The following ZNF462 variants were observed in gnomAD, a reference collection of about 807,000 sequenced individuals.
ZNF462 encodes the protein zinc finger protein 462.
In ZNF462, 10 loss-of-function variants were observed where a neutral mutation model predicts 201.9. That is an observed-to-expected ratio of 0.05 (90% CI 0.03 to 0.08). The LOEUF is 0.08. Among genes scored for constraint, ZNF462 ranks in the 10% least tolerant of loss-of-function variants. The pLI, the probability that ZNF462 is intolerant of heterozygous loss-of-function variation, is 1.00. For missense variants in ZNF462, 2,523 were observed against 3,168.3 expected, an observed-to-expected ratio of 0.80 and a Z score of 4.89; for synonymous variants, 1,227 against 1,193.3, an observed-to-expected ratio of 1.03 and a Z score of -0.58.
chr9:106,980,736 A>G (rs1338712542), intron 9 of ZNF462, among the ~76,000 whole-genome samples: 1 of 152,228 alleles, frequency 6.6e-6, no homozygotes, highest in Non-Finnish European at 1.5e-5. Flanking sequence ...TCCATCTTGT[A>G]GTTGAACTGG....
Position 106,981,587 on chromosome 9 carries a change from C to T in ZNF462, c.6833-2599C>T, listed in dbSNP as rs893773794. Among the ~76,000 whole-genome samples the T allele has an allele frequency of 6.6e-6, 1 of 152,140 alleles. No individual in the cohort carries two copies. Among genetic ancestry groups the T allele is most frequent in the African/African-American group, 2.4e-5 (1 of 41,418 alleles). On this transcript the variant is annotated intron_variant, in intron 9 of 12. Transcript: ENST00000277225. This position sits in a 1 kb window ranked among gnomAD's most constrained non-coding sequence, Gnocchi z 4.0. Reference sequence around the variant, plus strand: ...CTAACGGTGCTTGAACCGTAGCGAGCACTTAATAGTCTGCAGTGGTGTTCA... The same window carrying T: ...CTAACGGTGCTTGAACCGTAGCGAGTACTTAATAGTCTGCAGTGGTGTTCA...
rs1182593510 is a variant in ZNF462 at position 107,008,916 on chromosome 9, ACTGGTTCCCACTCATC to A, written c.7190-627_7190-612del. On this transcript the variant is annotated intron_variant, in intron 11 of 12. Transcript: ENST00000277225. This position sits in a 1 kb window ranked among gnomAD's most constrained non-coding sequence, Gnocchi z 4.8. ...AATAGCAGGGGACATGTGTTCACAT[ACTGGTTCCCACTCATC>A]CAGATAAATGTTCATGGTAGATTCT... is the stretch of plus-strand genomic sequence containing the variant. Among the ~76,000 whole-genome samples the A allele has an allele frequency of 2.0e-5, 3 of 152,194 alleles. No homozygotes were observed. The highest frequency in any genetic ancestry group is 4.4e-5 in the Non-Finnish European group (3 of 68,030).
rs1202025192 is a variant in ZNF462, at chr9:106,890,398, T to C, written c.-31+27043T>C. On this transcript the variant is annotated intron_variant, in intron 1 of 12. Transcript: ENST00000277225. The surrounding 1 kb of genome is among the most constrained non-coding windows in gnomAD (Gnocchi z 4.2). ...GTTAATTAAACATTGTCGGGAGAAT[T>C]CCTTCATTTCCTTCTGGAGTCCTTT... Among the ~76,000 whole-genome samples, 2 of 152,210 alleles carry C rather than the reference T, an allele frequency of 1.3e-5. No individual in the cohort carries two copies.
At position 106,933,777 on chromosome 9, in the gene ZNF462, A is replaced by G. The variant is rs897331899; in HGVS notation, c.6116+1228A>G. On this transcript the variant is annotated intron_variant, in intron 5 of 12. Coordinates refer to ENST00000277225, the MANE Select transcript of ZNF462 (RefSeq NM_021224.6). The surrounding 1 kb of genome is among the most constrained non-coding windows in gnomAD (Gnocchi z 4.3). ...GTCAGGAAGGTTTTATGGCATAAGG[A>G]GCATTTGGGTGAAGTCTTAAAGTAG... Among the ~76,000 whole-genome samples the G allele has an allele frequency of 2.0e-5, 3 of 152,274 alleles. No homozygotes were observed. The highest frequency in any genetic ancestry group is 3.9e-4 in the East Asian group (2 of 5,176).
Position 106,929,194 on chromosome 9 carries a change from G to A in ZNF462, c.5282G>A (p.Arg1761Gln), listed in dbSNP as rs757318585. 11 of 1,614,010 alleles carry A rather than the reference G, an allele frequency of 6.8e-6. No homozygotes were observed. Among genetic ancestry groups the A allele is most frequent in the African/African-American group, 4.0e-5 (3 of 74,908 alleles). Reference sequence around the variant, plus strand: ...TCCCCTCAGCTGAGCGAGGAACTCCGGCGGGCAGTGGAGAAGAAAAAGTGC... The same window carrying A: ...TCCCCTCAGCTGAGCGAGGAACTCCAGCGGGCAGTGGAGAAGAAAAAGTGC... ...DDSPQLSEEL[R>Q]RAVEKKKCSL... The change falls in exon 3 of 13, where the codon CGG becomes CAG. Residue 1761 changes from arginine (R) to glutamine (Q), a missense_variant. By Grantham distance (43) the Arg-to-Gln change is conservative. This residue lies in a region of ZNF462 where 207 missense variants were observed against 231.6 expected (regional missense o/e 0.89). Coordinates refer to ENST00000277225, the MANE Select transcript of ZNF462 (RefSeq NM_021224.6). The surrounding 1 kb of genome is among the most constrained non-coding windows in gnomAD (Gnocchi z 8.7).
chr9:106,951,671 T>G (rs924019587), intron 7 of ZNF462, among the ~76,000 whole-genome samples: 1 of 151,990 alleles, frequency 6.6e-6, no homozygotes, highest in Non-Finnish European at 1.5e-5. Context: ...GCTTCCTGTA[T>G]CCAAAAGGGG....
In ZNF462 at chr9:106,993,526, A is replaced by AT. The variant is rs542612150; in HGVS notation, c.7056+9124dup. ...AACAGTGCAGGTTATTTGAAATTTT[A>AT]TTTTTTTATCCTGTGACTCCCTGTC... is the stretch of plus-strand genomic sequence containing the variant. On this transcript the variant is annotated intron_variant, in intron 10 of 12. Coordinates refer to ENST00000277225, the MANE Select transcript of ZNF462 (RefSeq NM_021224.6). This position sits in a 1 kb window ranked among gnomAD's most constrained non-coding sequence, Gnocchi z 4.0. 2.6e-5 allele frequency among the ~76,000 whole-genome samples: 4 copies of AT among 151,862 alleles called. No individual in the cohort carries two copies. The highest frequency in any genetic ancestry group is 5.9e-5 in the Non-Finnish European group (4 of 67,944).
chr9:106,920,144 C>CTT lies in ZNF462; in HGVS notation c.-30-3199_-30-3198dup, dbSNP rs796501261. 1.4e-5 allele frequency among the ~76,000 whole-genome samples: 2 copies of CTT among 144,990 alleles called. No homozygotes were observed. Among genetic ancestry groups the CTT allele is most frequent in the Admixed American group, 6.9e-5 (1 of 14,492 alleles). On this transcript the variant is annotated intron_variant, in intron 1 of 12. Coordinates refer to ENST00000277225, the MANE Select transcript of ZNF462 (RefSeq NM_021224.6). The surrounding 1 kb of genome is among the most constrained non-coding windows in gnomAD (Gnocchi z 4.3). ...AAGATATGCAGAGCTTATTTCTCAC[C>CTT]TTTTTTTTTTTTCCTCGGTTTTGGT...
At chr9:106,874,877 T>C (rs960645830) in intron 1 of ZNF462, among the ~76,000 whole-genome samples, 1 of 152,220 alleles carries the variant, frequency 6.6e-6, no homozygotes, top group Non-Finnish European at 1.5e-5. Flanking sequence ...CCAGTGGCTG[T>C]AGCTTGTTAA....
At position 106,920,599 on chromosome 9, in the gene ZNF462, C is replaced by T. The variant is rs1186006533; in HGVS notation, c.-30-2755C>T. ...CTAGAACCCATTAGGAAATCACTTTCATCATCTCTTCTTTTTCCAAATCAG... is the reference window on the plus strand; with the variant it reads ...CTAGAACCCATTAGGAAATCACTTTTATCATCTCTTCTTTTTCCAAATCAG... On this transcript the variant is annotated intron_variant, in intron 1 of 12. Transcript: ENST00000277225. The surrounding 1 kb of genome is among the most constrained non-coding windows in gnomAD (Gnocchi z 4.3). Among the ~76,000 whole-genome samples the T allele has an allele frequency of 6.6e-6, 1 of 152,170 alleles. No homozygotes were observed. Among genetic ancestry groups the T allele is most frequent in the Non-Finnish European group, 1.5e-5 (1 of 68,028 alleles).
rs1407836406 is a variant in ZNF462 at position 106,963,246 on chromosome 9, A to T, written c.6428-8759A>T. On this transcript the variant is annotated intron_variant, in intron 7 of 12. Transcript: ENST00000277225. This position sits in a 1 kb window ranked among gnomAD's most constrained non-coding sequence, Gnocchi z 4.7. ...TAAATCAAGGTACAAAGGAATTCGG[A>T]TAGAACCGAGAACAATTTTTTAAAT... 2.0e-5 allele frequency among the ~76,000 whole-genome samples: 3 copies of T among 152,112 alleles called. No individual in the cohort carries two copies. The highest frequency in any genetic ancestry group is 2.1e-4 in the South Asian group (1 of 4,826).
intron 5 of ZNF462, among the ~76,000 whole-genome samples, chr9:106,934,250 G>A (rs1480457641): frequency 6.7e-6 from 1 of 148,220 alleles, no homozygotes; most frequent in African/African-American, 2.5e-5. Context: ...TAATGGCTGA[G>A]ATTTTATCCC....
chr9:106,908,939 A>AGTTTTTTTTTT (rs1829416682), intron 1 of ZNF462, among the ~76,000 whole-genome samples: 1 of 29,948 alleles, frequency 3.3e-5, no homozygotes, highest in Non-Finnish European at 5.3e-5. Flanking sequence ...ATATATATAT[A>AGTTTTTTTTTT]TATTTTTTTT....
rs1015046317 is a variant in ZNF462 at position 106,886,401 on chromosome 9, T to G, written c.-31+23046T>G. 1.3e-5 allele frequency among the ~76,000 whole-genome samples: 2 copies of G among 152,214 alleles called. No individual in the cohort carries two copies. Among genetic ancestry groups the G allele is most frequent in the African/African-American group, 2.4e-5 (1 of 41,454 alleles). On this transcript the variant is annotated intron_variant, in intron 1 of 12. Transcript: ENST00000277225. This position sits in a 1 kb window ranked among gnomAD's most constrained non-coding sequence, Gnocchi z 4.6. ...ACTCAAGGGTATCCAACTCTCAGGA[T>G]TCAAGCCACTGCATGTTGGCAATGT...
rs1829868770 is a variant in ZNF462 at position 107,010,462 on chromosome 9, C to CGAT, written c.7314-358_7314-356dup. ...CAATCTCCAAGCTTCTGGGTTCAGC[C>CGAT]GATGACTCTGAGCATAAGACAATTC... is the stretch of plus-strand genomic sequence containing the variant. On this transcript the variant is annotated intron_variant, in intron 12 of 12. Coordinates refer to ENST00000277225, the MANE Select transcript of ZNF462 (RefSeq NM_021224.6). This position sits in a 1 kb window ranked among gnomAD's most constrained non-coding sequence, Gnocchi z 4.6. Among the ~76,000 whole-genome samples, 1 of 152,076 alleles carries CGAT rather than the reference C, an allele frequency of 6.6e-6. No individual in the cohort carries two copies. Among genetic ancestry groups the CGAT allele is most frequent in the Admixed American group, 6.6e-5 (1 of 15,266 alleles).
intron 10 of ZNF462, among the ~76,000 whole-genome samples, chr9:106,997,235 A>G (rs1828803990): frequency 6.6e-6 from 1 of 152,164 alleles, no homozygotes; most frequent in African/African-American, 2.4e-5. Flanking sequence ...AGGAATGTAA[A>G]TTGGGAGAGC....
At chr9:106,991,165 A>G (rs978796452) in intron 10 of ZNF462, among the ~76,000 whole-genome samples, 1 of 152,028 alleles carries the variant, frequency 6.6e-6, no homozygotes, top group Non-Finnish European at 1.5e-5. Flanking sequence ...AAATCCGCAG[A>G]ATCTACAAAA....
chr9:106,973,985 G>A, intron 8 of ZNF462, 152 bp from the exon 9 acceptor site: 1 of 962,030 alleles, frequency 1.0e-6, no homozygotes, highest in Non-Finnish European at 1.6e-6. Context: ...AAGTTTCTGG[G>A]TGGTCAACAA....
rs532654122 is a variant in ZNF462, at chr9:106,895,966, A to G, written c.-30-27388A>G. On this transcript the variant is annotated intron_variant, in intron 1 of 12. Coordinates refer to ENST00000277225, the MANE Select transcript of ZNF462 (RefSeq NM_021224.6). This position sits in a 1 kb window ranked among gnomAD's most constrained non-coding sequence, Gnocchi z 4.4. ...AATGCAATGCAAAAAAAACAAGAAC[A>G]TTCATTATCTAACCCGCCCTTTCTA... is the stretch of plus-strand genomic sequence containing the variant. 9.2e-5 allele frequency among the ~76,000 whole-genome samples: 14 copies of G among 152,318 alleles called. No homozygotes were observed. In the South Asian group the frequency reaches 2.5e-3, roughly 27 times the overall value.
Sources: allele counts gnomAD v4.1 joint callset (sites outside exome capture counted in the v4.1 genomes callset), GRCh38; gene constraint gnomAD v4.1.1; regional missense constraint gnomAD v4.1.1; non-coding constraint Gnocchi (gnomAD v3.1); transcripts MANE v1.5; gene names NCBI Gene and HGNC (gene_info 2026-07-23, HGNC 2026-07-21).